Variants in VPS41 observed in about 807,000 individuals in gnomAD.
The protein encoded by VPS41 is vacuolar protein sorting-associated protein 41 homolog.
VPS41 carries 85 observed loss-of-function variants against 130.9 expected under a neutral mutation model. The observed-to-expected ratio is 0.65, with a 90% CI of 0.55 to 0.78. The LOEUF (loss-of-function observed/expected upper bound fraction) is 0.78, where lower values mean the gene tolerates loss of function less well. Ranked by LOEUF, VPS41 falls within the 30% of genes least tolerant of loss-of-function variation. The pLI is 0.00. For missense variants in VPS41, 874 were observed against 1,018.7 expected (o/e 0.86, Z 1.93); for synonymous variants, 335 against 332.9 (o/e 1.01, Z -0.07).
At chr7:38,736,315 T>G (rs1178210380) in intron 25 of VPS41, among the ~76,000 whole-genome samples, 1 of 152,222 alleles carries the variant, frequency 6.6e-6, no homozygotes, top group African/African-American at 2.4e-5. Flanking sequence ...TCAGCAGATC[T>G]GGGCTGGGTG....
In VPS41 at chr7:38,754,906, C is replaced by A. The variant is rs762720531; in HGVS notation, c.1726G>T (p.Asp576Tyr). The A allele has an allele frequency of 3.2e-5, 51 of 1,613,626 alleles. 1 individual carries two copies. The South Asian group carries it at 5.4e-4, about 17-fold the overall frequency. The part of the protein sequence containing the change: ...KAVDMLLDNE[D>Y]KISIKKVVEE... ...CAAATGACACTCACTGAAATTTTAT[C>A]TTCATTGTCCAAAAGCATGTCAACA... The change falls in exon 20 of 29, where the codon GAT (aspartate) becomes TAT (tyrosine). Residue 576 changes from aspartate to tyrosine, a missense_variant. By Grantham distance (160) the Asp-to-Tyr change is radical. Transcript: ENST00000310301.
intron 11 of VPS41, among the ~76,000 whole-genome samples, chr7:38,774,643 G>T (rs915903228): frequency 3.3e-5 from 5 of 151,912 alleles, no homozygotes; most frequent in African/African-American, 1.2e-4. Flanking sequence ...AAAATATTTT[G>T]AACAAAATAA....
intron 2 of VPS41, among the ~76,000 whole-genome samples, chr7:38,891,660 A>G (rs1041877387): frequency 6.6e-6 from 1 of 152,216 alleles, no homozygotes; most frequent in African/African-American, 2.4e-5. Flanking sequence ...TCTTAATGGC[A>G]TTTTTATAAA....
At chr7:38,876,403 T>C (rs556886543) in intron 2 of VPS41, among the ~76,000 whole-genome samples, 3 of 152,108 alleles carry the variant, frequency 2.0e-5, no homozygotes, top group Non-Finnish European at 4.4e-5. Context: ...TATATGCATA[T>C]ATGGGGGGAA....
intron 9 of VPS41, among the ~76,000 whole-genome samples, 160 bp downstream of exon 9, chr7:38,795,305 T>C (rs367730188): frequency 6.6e-6 from 1 of 152,302 alleles, no homozygotes. Context: ...TTAAAACTTA[T>C]GCACAGGAAA....
chr7:38,896,842 T>G lies in VPS41; in HGVS notation c.60+1249A>C, dbSNP rs1170902027. Among the ~76,000 whole-genome samples the G allele has an allele frequency of 6.6e-5, 10 of 152,310 alleles. No individual in the cohort carries two copies. In the Middle Eastern group the frequency reaches 0.01, roughly 155 times the overall value. Reference sequence around the variant, plus strand: ...TCATTCCTCTGAGCGAAATGAAATATTAAAAGGAAAAATGTAATTCTTCTT... The same window carrying G: ...TCATTCCTCTGAGCGAAATGAAATAGTAAAAGGAAAAATGTAATTCTTCTT... On this transcript the variant is annotated intron_variant, in intron 2 of 28. Transcript: ENST00000310301.
chr7:38,893,140 T>G (rs2116422260), intron 2 of VPS41, among the ~76,000 whole-genome samples: 1 of 152,346 alleles, frequency 6.6e-6, no homozygotes, highest in Middle Eastern at 3.4e-3. Context: ...CTTCCTGGTT[T>G]AATACATTAG....
At chr7:38,826,083 T>C (rs2116147859) in intron 5 of VPS41, among the ~76,000 whole-genome samples, 1 of 152,296 alleles carries the variant, frequency 6.6e-6, no homozygotes, top group South Asian at 2.1e-4. Context: ...AGATTGCTGG[T>C]TTTCATACTC....
chr7:38,789,977 G>T (rs544363718), intron 9 of VPS41, 110 bp from the exon 10 acceptor site: 21 of 1,009,864 alleles, frequency 2.1e-5, no homozygotes, highest in Non-Finnish European at 3.2e-5. Flanking sequence ...ACTGCAGATG[G>T]AGTACAATCT....
intron 4 of VPS41, among the ~76,000 whole-genome samples, chr7:38,856,682 A>G (rs1303842218): frequency 6.6e-6 from 1 of 152,188 alleles, no homozygotes; most frequent in Non-Finnish European, 1.5e-5. Context: ...TTAAATAGGA[A>G]TGTGAGGCTG....
intron 7 of VPS41, among the ~76,000 whole-genome samples, chr7:38,815,232 TG>T (rs1785021414): frequency 6.6e-6 from 1 of 152,102 alleles, no homozygotes; most frequent in African/African-American, 2.4e-5. Context: ...GAGACCAGCC[TG>T]GCCAACATGG....
chr7:38,770,286 G>T (rs1216195397), intron 14 of VPS41, among the ~76,000 whole-genome samples: 1 of 143,170 alleles, frequency 7.0e-6, no homozygotes. Context: ...AAAAAAAAAA[G>T]CCTTCAACTG....
At chr7:38,762,633 G>C (rs2115775026) in intron 17 of VPS41, among the ~76,000 whole-genome samples, 1 of 152,260 alleles carries the variant, frequency 6.6e-6, no homozygotes, top group South Asian at 2.1e-4. Flanking sequence ...AACACAAAAT[G>C]TCTCTCCACA....
intron 4 of VPS41, among the ~76,000 whole-genome samples, chr7:38,848,158 C>G (rs1393932478): frequency 6.6e-6 from 1 of 152,190 alleles, no homozygotes; most frequent in East Asian, 1.9e-4. Flanking sequence ...AAGCATCTTA[C>G]AAGCCATGTT....
chr7:38,845,887 A>C (rs1245121573), intron 4 of VPS41, among the ~76,000 whole-genome samples: 1 of 152,262 alleles, frequency 6.6e-6, no homozygotes. Context: ...GAAATGAAAG[A>C]CAACTAAATT....
chr7:38,760,297 A>G (rs1783884820), intron 17 of VPS41, among the ~76,000 whole-genome samples: 1 of 152,240 alleles, frequency 6.6e-6, no homozygotes, highest in Admixed American at 6.5e-5. Flanking sequence ...ATAAATTCTC[A>G]GGACCTCCAA....
At chr7:38,746,182 GA>G (rs1467777463) in intron 22 of VPS41, among the ~76,000 whole-genome samples, 2 of 151,060 alleles carry the variant, frequency 1.3e-5, no homozygotes, top group East Asian at 3.9e-4. Context: ...AGGTGAGAAG[GA>G]AAAAACACTT....
At chr7:38,901,651 G>A (rs578179635) in intron 1 of VPS41, among the ~76,000 whole-genome samples, 1 of 152,164 alleles carries the variant, frequency 6.6e-6, no homozygotes, top group Non-Finnish European at 1.5e-5. Flanking sequence ...TGGGGAACAT[G>A]AGATTTTAGG....
chr7:38,744,726 TCTC>T (rs1395234576), intron 23 of VPS41, among the ~76,000 whole-genome samples: 1 of 152,140 alleles, frequency 6.6e-6, no homozygotes, highest in African/African-American at 2.4e-5. Context: ...CAAAAGCACT[TCTC>T]CTAAGAAGGG....
Sources: gnomAD v4.1 joint callset for allele counts (sites outside exome capture counted in the v4.1 genomes callset) on GRCh38, gnomAD v4.1.1 for gene constraint, MANE v1.5 for transcripts, NCBI Gene and HGNC (gene_info 2026-07-23, HGNC 2026-07-21) for gene names.